Variants in HEATR1 observed in about 807,000 individuals in gnomAD.
The protein encoded by HEATR1 is HEAT repeat containing 1.
Under a neutral mutation model 248.2 loss-of-function variants are expected in HEATR1, and 77 were observed. That is an observed-to-expected ratio of 0.31 (90% CI 0.26 to 0.37). HEATR1 has a LOEUF of 0.37. HEATR1 is among the 10% of genes least tolerant of loss of function. The pLI is 1.00. For synonymous variants in HEATR1, 897 were observed against 923.1 expected (o/e 0.97, Z 0.51); for missense variants, 2,420 against 2,504.9 (o/e 0.97, Z 0.72).
rs1272180116 is a variant in HEATR1 at position 236,594,133 on chromosome 1, A to C, written c.1091-19T>G. On this transcript the variant is annotated intron_variant, in intron 8 of 44. Transcript: ENST00000366582. ...TCTTCTCCTTAATATGTAAAAATTA[A>C]AATTGTGTTGGGAAAAATTTATTTT... The C allele has an allele frequency of 4.0e-6, 6 of 1,487,112 alleles. No homozygotes were observed. Among genetic ancestry groups the C allele is most frequent in the Admixed American group, 2.1e-5 (1 of 47,464 alleles). The allele number at this position is 1,487,112 out of a possible 1,614,324, so 92.1% of individuals were successfully genotyped here. A position where few individuals can be genotyped will look rare whatever the true frequency, so the allele number is the denominator to read the frequency against.
chr1:236,595,516 G>T, intron 8 of HEATR1, 24 bp downstream of exon 8: 1 of 1,579,488 alleles, frequency 6.3e-7, no homozygotes, highest in Non-Finnish European at 8.6e-7. Flanking sequence ...AAAATTTCTG[G>T]ACAAAAAATA....
chr1:236,580,783 C>T (rs1189261551), intron 20 of HEATR1, among the ~76,000 whole-genome samples: 2 of 150,470 alleles, frequency 1.3e-5, no homozygotes, highest in Non-Finnish European at 2.9e-5. Flanking sequence ...TCCCAAAGTG[C>T]TGAGACTATA....
chr1:236,592,741 T>C (rs973595005), intron 9 of HEATR1, 108 bp from the exon 10 acceptor site: 10 of 557,056 alleles, frequency 1.8e-5, no homozygotes, highest in African/African-American at 5.7e-5. Context: ...GTCATACTTA[T>C]ACAAGGTATA....
At chr1:236,552,764 A>AT (rs1369896757) in intron 43 of HEATR1, 4 of 152,254 alleles carry the variant, frequency 2.6e-5, no homozygotes, top group African/African-American at 9.6e-5. Flanking sequence ...TAATTAAAGA[A>AT]TATCTGGACA....
At chr1:236,600,895 C>G (rs182045578) in intron 3 of HEATR1, among the ~76,000 whole-genome samples, 290 of 152,264 alleles carry the variant, frequency 1.9e-3, no homozygotes, top group African/African-American at 6.8e-3. Flanking sequence ...TCAACTATTC[C>G]AGGCAGAACT....
Position 236,590,832 on chromosome 1 carries a change from C to A in HEATR1, c.1530+15G>T. On this transcript the variant is annotated intron_variant, in intron 12 of 44. Coordinates refer to ENST00000366582, the MANE Select transcript of HEATR1 (RefSeq NM_018072.6). ...AAGAAAAAAAAACCATATAAAAAAG[C>A]GATCTGAAACAAACCTTTGATGTTT... The A allele has an allele frequency of 1.5e-6, 2 of 1,371,240 alleles. No homozygotes were observed. The highest frequency in any genetic ancestry group is 2.4e-5 in the East Asian group (1 of 41,200). The allele number at this position is 1,371,240 out of a possible 1,614,324, so 84.9% of individuals were successfully genotyped here.
chr1:236,552,151 G>T, intron 43 of HEATR1, 44 bp from the exon 44 acceptor site: 3 of 1,286,270 alleles, frequency 2.3e-6, no homozygotes, highest in Non-Finnish European at 3.4e-6. Flanking sequence ...TAGTGTTACT[G>T]TATTTATTAT....
chr1:236,564,710 T>G, intron 31 of HEATR1, 49 bp from the exon 32 acceptor site: 1 of 1,543,100 alleles, frequency 6.5e-7, no homozygotes, highest in Non-Finnish European at 8.8e-7. Flanking sequence ...ACCTGAATCC[T>G]TCATACAGAA....
intron 20 of HEATR1, among the ~76,000 whole-genome samples, chr1:236,580,869 G>C (rs188699201): frequency 6.2e-4 from 87 of 139,896 alleles, no homozygotes; most frequent in African/African-American, 1.8e-3. Flanking sequence ...CACCAGGCTG[G>C]AGTGCAGTGG....
Position 236,588,560 on chromosome 1 carries a change from C to T in HEATR1, c.1531-517G>A, listed in dbSNP as rs951692346. Among the ~76,000 whole-genome samples the T allele has an allele frequency of 2.0e-5, 3 of 152,186 alleles. No homozygotes were observed. The South Asian group carries it at 6.2e-4, about 32-fold the overall frequency. ...GTAGCACAGTGCTTTACACATAGTACTGTTAAAAGCTAGCTAGTATTATCT... is the reference window on the plus strand; with the variant it reads ...GTAGCACAGTGCTTTACACATAGTATTGTTAAAAGCTAGCTAGTATTATCT... On this transcript the variant is annotated intron_variant, in intron 12 of 44. Coordinates refer to ENST00000366582, the MANE Select transcript of HEATR1 (RefSeq NM_018072.6).
intron 35 of HEATR1, 90 bp from the exon 36 acceptor site, chr1:236,558,619 T>C (rs1225824341): frequency 1.5e-6 from 2 of 1,321,206 alleles, no homozygotes; most frequent in African/African-American, 3.0e-5. Context: ...ATTGTCTAAA[T>C]GGAAATCAGA....
rs541471472 is a variant in HEATR1 at position 236,583,098 on chromosome 1, C to T, written c.2340G>A (p.Arg780=). ...GAAAAACCGAGTCCTCCACGGCCAC[C>T]CTCTGAGTGCTGTTGAGCTCTTCTA... ...HYVEELNSTQ[R]VAVEDSVFLV... The change falls in exon 18 of 45, where the codon AGG becomes AGA. Residue 780 remains arginine, a synonymous_variant. Transcript: ENST00000366582. 2.8e-5 allele frequency: 46 copies of T among 1,614,148 alleles called. No homozygotes were observed. In the South Asian group the frequency reaches 4.9e-4, roughly 17 times the overall value.
chr1:236,551,884 G>A, intron 44 of HEATR1, 115 bp downstream of exon 44: 1 of 716,164 alleles, frequency 1.4e-6, no homozygotes. Flanking sequence ...ATGAGGACTG[G>A]ATCAACTGCT....
Position 236,603,392 on chromosome 1 carries a change from G to T in HEATR1, c.143-16C>A. The T allele has an allele frequency of 6.2e-7, 1 of 1,605,150 alleles. No homozygotes were observed. Among genetic ancestry groups the T allele is most frequent in the Non-Finnish European group, 8.5e-7 (1 of 1,173,844 alleles). On this transcript the variant is annotated splice_polypyrimidine_tract_variant and intron_variant, in intron 2 of 44. Transcript: ENST00000366582. Reference sequence around the variant, plus strand: ...CCAGTACATCCTAAATTTCAAAAAAGGCCAGTTTATTTAACAATTCTTCGT... The same window carrying T: ...CCAGTACATCCTAAATTTCAAAAAATGCCAGTTTATTTAACAATTCTTCGT...
rs1388482480 is a variant in HEATR1, at chr1:236,550,943, G to C, written c.6394C>G (p.Leu2132Val). 1.3e-6 allele frequency: 2 copies of C among 1,599,018 alleles called. No individual in the cohort carries two copies. Among genetic ancestry groups the C allele is most frequent in the Non-Finnish European group, 1.7e-6 (2 of 1,172,818 alleles). ...AGTGGCTCTCCCAGGACAGTTTCCA[G>C]TTGCTGAATAGTCTTTTGGCACTGA... ...EHQCQKTIQQLETVLGEPLQS... is the reference protein window; with the variant it reads ...EHQCQKTIQQVETVLGEPLQS... The change falls in exon 45 of 45, where the codon CTG (leucine) becomes GTG (valine). Residue 2132 changes from leucine (L) to valine (V), a missense_variant. Coordinates refer to ENST00000366582, the MANE Select transcript of HEATR1 (RefSeq NM_018072.6).
intron 21 of HEATR1, among the ~76,000 whole-genome samples, 189 bp from the exon 22 acceptor site, chr1:236,576,566 A>T (rs2794773): frequency 0.63 from 96,565 of 152,100 alleles, 31,687 homozygotes; most frequent in Non-Finnish European, 0.72. Flanking sequence ...TACACACTAA[A>T]CCTTTATCCA....
At position 236,569,075 on chromosome 1, in the gene HEATR1, T is replaced by C. The variant is rs150496012; in HGVS notation, c.3998A>G (p.Asn1333Ser). ...IMSIFTFMGA[N>S]VMRLDDTYSF... The stretch of plus-strand genomic sequence containing the variant: ...GTAAGTATCATCTAGGCGCATGACA[T>C]TGGCTCCCATAAATGTAAAAATAGA... Residue 1333 changes from asparagine (N) to serine (S), a missense_variant, in exon 29 of 45, where the codon AAT becomes AGT. Physicochemically the swap from Asn to Ser is conservative, Grantham distance 46 (BLOSUM62 1). Transcript: ENST00000366582. The C allele has an allele frequency of 1.0e-3, 1,599 of 1,606,402 alleles. No individual in the cohort carries two copies. The highest frequency in any genetic ancestry group is 1.3e-3 in the Non-Finnish European group (1,543 of 1,176,332).
intron 43 of HEATR1, 40 bp from the exon 44 acceptor site, chr1:236,552,147 TACTG>T (rs768809170): frequency 7.6e-7 from 1 of 1,321,980 alleles, no homozygotes; most frequent in Non-Finnish European, 1.1e-6. Flanking sequence ...AAAGTAGTGT[TACTG>T]TATTTATTAT....
At chr1:236,597,384 C>G (rs1164778382) in intron 5 of HEATR1, among the ~76,000 whole-genome samples, 1 of 151,842 alleles carries the variant, frequency 6.6e-6, no homozygotes, top group African/African-American at 2.4e-5. Context: ...TCCCGAGCAG[C>G]TGGAATTACA....
Sources: allele counts gnomAD v4.1 joint callset (sites outside exome capture counted in the v4.1 genomes callset), GRCh38; gene constraint gnomAD v4.1.1; transcripts MANE v1.5; gene names NCBI Gene and HGNC (gene_info 2026-07-23, HGNC 2026-07-21).